Variants in POFUT3 observed in about 807,000 individuals in gnomAD.
POFUT3 encodes GDP-fucose protein O-fucosyltransferase 3.
chr8:33,462,071 A>T, the POFUT3 span, among the ~76,000 whole-genome samples: 1 of 92,530 alleles, frequency 1.1e-5, no homozygotes, highest in African/African-American at 4.2e-5. Context: ...GCAGCAGGAG[A>T]ATCACTTGAA....
the POFUT3 span, among the ~76,000 whole-genome samples, chr8:33,396,259 A>T: frequency 6.6e-6 from 1 of 152,158 alleles, no homozygotes; most frequent in Non-Finnish European, 1.5e-5. Context: ...TCCTGCAGTT[A>T]TTCATTCTGT....
the POFUT3 span, among the ~76,000 whole-genome samples, chr8:33,328,623 C>T: frequency 4.6e-5 from 7 of 152,162 alleles, no homozygotes; most frequent in Non-Finnish European, 7.3e-5. Context: ...TTCACCTTCA[C>T]GCATGGAGTA....
At chr8:33,347,613 G>A in the POFUT3 span, among the ~76,000 whole-genome samples, 4 of 152,200 alleles carry the variant, frequency 2.6e-5, no homozygotes, top group Non-Finnish European at 5.9e-5. Flanking sequence ...GGCAATAGAA[G>A]TATAGGCAGA....
At chr8:33,469,842 G>A in the POFUT3 span, among the ~76,000 whole-genome samples, 780 of 112,560 alleles carry the variant, frequency 6.9e-3, 9 homozygotes, top group African/African-American at 0.026. Context: ...GTCTCACTCT[G>A]TCACCAGGCT....
chr8:33,361,679 G>T, the POFUT3 span, among the ~76,000 whole-genome samples: 1 of 152,062 alleles, frequency 6.6e-6, no homozygotes, highest in Non-Finnish European at 1.5e-5. Flanking sequence ...ATAATTCCTG[G>T]CACATAGTAA....
At chr8:33,327,193 C>T in the POFUT3 span, among the ~76,000 whole-genome samples, 11 of 152,258 alleles carry the variant, frequency 7.2e-5, no homozygotes, top group East Asian at 1.7e-3. Flanking sequence ...ATGCTGGCCT[C>T]GTTTGCTGAA....
chr8:33,314,501 C>T, the POFUT3 span, among the ~76,000 whole-genome samples: 27 of 152,164 alleles, frequency 1.8e-4, no homozygotes, highest in African/African-American at 5.3e-4. Context: ...GACTCTGTTT[C>T]CCCTCTGTTA....
chr8:33,349,396 C>T, the POFUT3 span, among the ~76,000 whole-genome samples: 4 of 152,150 alleles, frequency 2.6e-5, no homozygotes, highest in South Asian at 6.2e-4. Flanking sequence ...GACCAGCGTA[C>T]GCTGTACCCA....
the POFUT3 span, among the ~76,000 whole-genome samples, chr8:33,331,895 T>G: frequency 6.6e-6 from 1 of 151,000 alleles, no homozygotes; most frequent in Non-Finnish European, 1.5e-5. Context: ...GCCAGGATGG[T>G]CTAGATCTCC....
the POFUT3 span, among the ~76,000 whole-genome samples, chr8:33,414,660 C>T: frequency 6.6e-6 from 1 of 152,066 alleles, no homozygotes; most frequent in Non-Finnish European, 1.5e-5. Context: ...AATGCTTTTC[C>T]GTCTCCCCTA....
chr8:33,443,583 C>G, the POFUT3 span, among the ~76,000 whole-genome samples: 4 of 152,288 alleles, frequency 2.6e-5, no homozygotes, highest in South Asian at 6.2e-4. Flanking sequence ...ACCTCTGCCT[C>G]CCGGGTTCAA....
At chr8:33,350,600 T>G in the POFUT3 span, among the ~76,000 whole-genome samples, 2 of 152,180 alleles carry the variant, frequency 1.3e-5, no homozygotes, top group Non-Finnish European at 2.9e-5. Context: ...AAATACAGGA[T>G]GATTCTCAGA....
At chr8:33,326,408 C>A in the POFUT3 span, among the ~76,000 whole-genome samples, 5 of 152,172 alleles carry the variant, frequency 3.3e-5, no homozygotes, top group Admixed American at 6.5e-5. Flanking sequence ...TCAAATGTGA[C>A]AAATATAAAA....
the POFUT3 span, among the ~76,000 whole-genome samples, chr8:33,317,711 C>A: frequency 6.6e-6 from 1 of 152,008 alleles, no homozygotes; most frequent in African/African-American, 2.4e-5. Context: ...CCTTTTTCCC[C>A]CCAGCAAAAC....
chr8:33,309,221 T>C, the POFUT3 span, among the ~76,000 whole-genome samples: 1 of 139,584 alleles, frequency 7.2e-6, no homozygotes, highest in Non-Finnish European at 1.5e-5. Context: ...TTTTTTTCCT[T>C]TCCCCCTTCC....
the POFUT3 span, among the ~76,000 whole-genome samples, chr8:33,363,361 T>C: frequency 5.9e-5 from 9 of 151,984 alleles, no homozygotes; most frequent in Admixed American, 2.6e-4. Flanking sequence ...TTAAAACAAC[T>C]AGAGAAGCAA....
the POFUT3 span, among the ~76,000 whole-genome samples, chr8:33,470,001 G>T: frequency 1.3e-5 from 2 of 151,436 alleles, no homozygotes; most frequent in African/African-American, 4.8e-5. Flanking sequence ...CACGATGTTG[G>T]TCAGAATGGT....
At chr8:33,325,859 C>T in the POFUT3 span, among the ~76,000 whole-genome samples, 1 of 152,012 alleles carries the variant, frequency 6.6e-6, no homozygotes, top group African/African-American at 2.4e-5. Flanking sequence ...GGCTTTAATC[C>T]AGCCCCCTCC....
chr8:33,391,837 G>C, the POFUT3 span, among the ~76,000 whole-genome samples: 2 of 152,162 alleles, frequency 1.3e-5, no homozygotes, highest in East Asian at 3.9e-4. Context: ...CAGGGGATTT[G>C]AGTGAGTGAC....
Sources: gnomAD v4.1 joint callset for allele counts (sites outside exome capture counted in the v4.1 genomes callset) on GRCh38, gnomAD v4.1.1 for gene constraint, MANE v1.5 for transcripts, NCBI Gene and HGNC (gene_info 2026-07-23, HGNC 2026-07-21) for gene names.